Variants in GAN observed in about 807,000 individuals in gnomAD.
GAN encodes gigaxonin.
Under a neutral mutation model 71.3 loss-of-function variants are expected in GAN, and 48 were observed. The observed-to-expected ratio is 0.67, with a 90% confidence interval of 0.53 to 0.86. The LOEUF is 0.86. Ranked by LOEUF, GAN falls within the 40% of genes least tolerant of loss-of-function variation. GAN has a pLI of 0.00. For synonymous variants in GAN, 386 were observed against 276.8 expected (o/e 1.39, Z -3.92); for missense variants, 928 against 770.1 (o/e 1.21, Z -2.43).
At chr16:81,321,357 A>G (rs1385253116) in intron 1 of GAN, among the ~76,000 whole-genome samples, 1 of 152,224 alleles carries the variant, frequency 6.6e-6, no homozygotes, top group East Asian at 1.9e-4. Context: ...CTAGTGGATA[A>G]GTCCTCACTC....
chr16:81,342,369 C>G (rs921338123), intron 1 of GAN, among the ~76,000 whole-genome samples: 5 of 152,138 alleles, frequency 3.3e-5, no homozygotes, highest in African/African-American at 7.2e-5. Context: ...CTAAAATTGA[C>G]CACATAATTG....
rs1260019038 is a variant in GAN at position 81,378,960 on chromosome 16, T to C, written c.*1364T>C. 6.6e-6 allele frequency: 1 copy of C among 152,296 alleles called. No homozygotes were observed. Among genetic ancestry groups the C allele is most frequent in the Non-Finnish European group, 1.5e-5 (1 of 68,040 alleles). 9.4% of individuals were successfully genotyped at this position (152,296 alleles called of 1,614,324 possible). A position where few individuals can be genotyped will look rare whatever the true frequency, so the allele number is the denominator to read the frequency against. On this transcript the variant is annotated 3_prime_UTR_variant, in exon 11 of 11. Coordinates refer to ENST00000648994, the MANE Select transcript of GAN (RefSeq NM_022041.4). The stretch of plus-strand genomic sequence containing the variant: ...GACTTCAAAGTGCTTGATTCCTTCC[T>C]AAATTGAATTTTATGCAATGTCAAA...
intron 5 of GAN, among the ~76,000 whole-genome samples, chr16:81,362,021 G>A (rs761893660): frequency 2.0e-5 from 3 of 152,190 alleles, no homozygotes; most frequent in Non-Finnish European, 4.4e-5. Flanking sequence ...GTTTTTTGCA[G>A]AAGAATAACC....
At chr16:81,353,494 T>G (rs17189030) in intron 2 of GAN, among the ~76,000 whole-genome samples, 5,712 of 152,254 alleles carry the variant, frequency 0.038, 162 homozygotes, top group African/African-American at 0.076. Flanking sequence ...CCATACTACT[T>G]TCCACATTTT....
chr16:81,342,456 T>C (rs929656078), intron 1 of GAN, among the ~76,000 whole-genome samples: 4 of 152,272 alleles, frequency 2.6e-5, no homozygotes, highest in Middle Eastern at 3.4e-3. Context: ...GCAATCAAAT[T>C]AGAATTCAGG....
chr16:81,386,479 G>T lies in GAN; in HGVS notation c.*8883G>T, dbSNP rs1010101367. 4.6e-5 allele frequency: 7 copies of T among 152,188 alleles called. No individual in the cohort carries two copies. The highest frequency in any genetic ancestry group is 7.3e-5 in the Non-Finnish European group (5 of 68,042). 9.4% of individuals were successfully genotyped at this position (152,188 alleles called of 1,614,324 possible). ...ACTTTTGTACCTTTGCATAAAGAAGGTTATTTAACAAAGTGGTACAAACAG... is the reference window on the plus strand; with the variant it reads ...ACTTTTGTACCTTTGCATAAAGAAGTTTATTTAACAAAGTGGTACAAACAG... On this transcript the variant is annotated 3_prime_UTR_variant, in exon 11 of 11. Transcript: ENST00000648994.
At position 81,318,357 on chromosome 16, in the gene GAN, TG is replaced by T. The variant is rs750573924; in HGVS notation, c.167+3078del. On this transcript the variant is annotated intron_variant, in intron 1 of 10. Coordinates refer to ENST00000648994, the MANE Select transcript of GAN (RefSeq NM_022041.4). The stretch of plus-strand genomic sequence containing the variant: ...TAACTGTCATAAGTGGTTGTGTGAT[TG>T]TGTGGTTTAGAAGCAGTGGTATGGC... Among the ~76,000 whole-genome samples the T allele has an allele frequency of 6.2e-3, 940 of 152,304 alleles. 6 individuals carry two copies. Among genetic ancestry groups the T allele is most frequent in the Non-Finnish European group, 0.012 (788 of 68,020 alleles).
rs745873735 is a variant in GAN at position 81,365,017 on chromosome 16, G to T, written c.1280G>T (p.Gly427Val). 6.2e-7 allele frequency: 1 copy of T among 1,613,866 alleles called. No individual in the cohort carries two copies. Among genetic ancestry groups the T allele is most frequent in the Non-Finnish European group, 8.5e-7 (1 of 1,179,786 alleles). Reference sequence around the variant, plus strand: ...ATGAAAAAGAAAATCTACGCCATGGGTGGAGGCTCCTACGGAAAGCTTTTT... The same window carrying T: ...ATGAAAAAGAAAATCTACGCCATGGTTGGAGGCTCCTACGGAAAGCTTTTT... ...AAMKKKIYAM[G>V]GGSYGKLFES... The change falls in exon 8 of 11, where the codon GGT becomes GTT. Residue 427 changes from glycine to valine, a missense_variant. Transcript: ENST00000648994.
chr16:81,349,313 C>G (rs185100979), intron 1 of GAN, among the ~76,000 whole-genome samples: 70 of 152,190 alleles, frequency 4.6e-4, no homozygotes, highest in African/African-American at 1.5e-3. Flanking sequence ...TAAGTTTCCT[C>G]AGATACTCCA....
At chr16:81,356,247 T>A (rs894768270) in intron 3 of GAN, among the ~76,000 whole-genome samples, 4 of 151,666 alleles carry the variant, frequency 2.6e-5, no homozygotes, top group Admixed American at 2.0e-4. Context: ...AAAGTGTAAA[T>A]TCATATTAGT....
chr16:81,356,506 G>T (rs1910490729), intron 3 of GAN, among the ~76,000 whole-genome samples: 1 of 152,134 alleles, frequency 6.6e-6, no homozygotes, highest in African/African-American at 2.4e-5. Flanking sequence ...ATTGAAATGG[G>T]AATCCTTTAA....
intron 1 of GAN, among the ~76,000 whole-genome samples, chr16:81,332,590 C>T (rs1909618754): frequency 1.3e-5 from 2 of 152,212 alleles, no homozygotes. Context: ...CTCCTGTGAC[C>T]ACTCTCTCCC....
chr16:81,363,571 C>T (rs1452199466), intron 6 of GAN, among the ~76,000 whole-genome samples: 1 of 152,156 alleles, frequency 6.6e-6, no homozygotes, highest in Non-Finnish European at 1.5e-5. Flanking sequence ...TTGCATAATG[C>T]TGAGGTTTGC....
At position 81,385,190 on chromosome 16, in the gene GAN, C is replaced by T. The variant is rs928545941; in HGVS notation, c.*7594C>T. The T allele has an allele frequency of 2.0e-5, 3 of 152,168 alleles. No homozygotes were observed. Among genetic ancestry groups the T allele is most frequent in the Admixed American group, 6.5e-5 (1 of 15,278 alleles). 9.4% of individuals were successfully genotyped at this position (152,168 alleles called of 1,614,324 possible). A position where few individuals can be genotyped will look rare whatever the true frequency, so the allele number is the denominator to read the frequency against. On this transcript the variant is annotated 3_prime_UTR_variant, in exon 11 of 11. Coordinates refer to ENST00000648994, the MANE Select transcript of GAN (RefSeq NM_022041.4). ...TAGTAGAATGACAAAGCTTCTCCTCCAATGACAATCTGTTAGCACCCTGTT... is the reference window on the plus strand; with the variant it reads ...TAGTAGAATGACAAAGCTTCTCCTCTAATGACAATCTGTTAGCACCCTGTT...
intron 1 of GAN, among the ~76,000 whole-genome samples, chr16:81,331,618 C>T (rs1909580259): frequency 1.3e-5 from 2 of 152,162 alleles, no homozygotes; most frequent in Non-Finnish European, 1.5e-5. Flanking sequence ...TGTGGGAAGT[C>T]CTTCAGGAAC....
At position 81,363,959 on chromosome 16, in the gene GAN, T is replaced by A; in HGVS notation, c.1236+16T>A. On this transcript the variant is annotated intron_variant, in intron 7 of 10. Transcript: ENST00000648994. ...GGTCAGAAAGGTGAGGACTGCATTTTGTGATAACTAGTCTGTGTACACATT... is the reference window on the plus strand; with the variant it reads ...GGTCAGAAAGGTGAGGACTGCATTTAGTGATAACTAGTCTGTGTACACATT... 3 of 1,598,014 alleles carry A rather than the reference T, an allele frequency of 1.9e-6. No individual in the cohort carries two copies. The highest frequency in any genetic ancestry group is 2.6e-6 in the Non-Finnish European group (3 of 1,165,216).
chr16:81,369,631 G>C (rs778133353), intron 9 of GAN, among the ~76,000 whole-genome samples: 1 of 152,022 alleles, frequency 6.6e-6, no homozygotes, highest in Non-Finnish European at 1.5e-5. Flanking sequence ...TCACTCTGTT[G>C]CCCAGGCTGG....
At position 81,360,530 on chromosome 16, in the gene GAN, T is replaced by C. The variant is rs565574642; in HGVS notation, c.974-1969T>C. Among the ~76,000 whole-genome samples, 8 of 152,258 alleles carry C rather than the reference T, an allele frequency of 5.3e-5. No homozygotes were observed. In the East Asian group the frequency reaches 1.5e-3, roughly 29 times the overall value. On this transcript the variant is annotated intron_variant, in intron 5 of 10. Transcript: ENST00000648994. The stretch of plus-strand genomic sequence containing the variant: ...GATTATTATCTTTTGATTTATCTTC[T>C]TTTCTCCTTAACTCTGATTAATCTG...
intron 7 of GAN, among the ~76,000 whole-genome samples, chr16:81,364,683 T>C (rs1266970151): frequency 1.3e-5 from 2 of 152,190 alleles, no homozygotes. Flanking sequence ...AACGAGACCC[T>C]GTCTCTAATA....
Sources: gnomAD v4.1 joint callset for allele counts (sites outside exome capture counted in the v4.1 genomes callset) on GRCh38, gnomAD v4.1.1 for gene constraint, MANE v1.5 for transcripts, NCBI Gene and HGNC (gene_info 2026-07-23, HGNC 2026-07-21) for gene names.